The following ADAMTS2 variants were observed in gnomAD, a reference collection of about 807,000 sequenced individuals.
ADAMTS2 encodes the protein ADAM metallopeptidase with thrombospondin type 1 motif 2, also known as A disintegrin and metalloproteinase with thrombospondin motifs 2.
Under a neutral mutation model 123.0 loss-of-function variants are expected in ADAMTS2, and 50 were observed. The observed-to-expected ratio is 0.41, with a 90% CI of 0.32 to 0.51. ADAMTS2 has a LOEUF of 0.51. Ranked by LOEUF, ADAMTS2 falls within the 20% of genes least tolerant of loss-of-function variation. The probability of loss-of-function intolerance (pLI) is 0.35; values close to 1 mark genes in which losing one functional copy is unlikely to be tolerated. For synonymous variants in ADAMTS2, 678 were observed against 695.4 expected (o/e 0.98, Z 0.39); for missense variants, 1,494 against 1,705.2 (o/e 0.88, Z 2.18).
chr5:179,342,617 G>A (rs1289037582), intron 2 of ADAMTS2, among the ~76,000 whole-genome samples: 3 of 152,224 alleles, frequency 2.0e-5, no homozygotes, highest in East Asian at 1.9e-4. Flanking sequence ...CAGGGGCCAC[G>A]GGGGCTGGGA....
At position 179,133,891 on chromosome 5, in the gene ADAMTS2, T is replaced by C. The variant is rs1763008567; in HGVS notation, c.2086-991A>G. On this transcript the variant is annotated intron_variant, in intron 13 of 21. Transcript: ENST00000251582. ...CTAATTTTTTTTTTTTTTGTATTTT[T>C]AGTAGAGACGGGGTTTCACCATGTT... Among the ~76,000 whole-genome samples, 3 of 151,680 alleles carry C rather than the reference T, an allele frequency of 2.0e-5. No individual in the cohort carries two copies. In the South Asian group the frequency reaches 6.2e-4, roughly 31 times the overall value.
At chr5:179,146,325 A>G (rs1763249098) in intron 10 of ADAMTS2, among the ~76,000 whole-genome samples, 1 of 152,220 alleles carries the variant, frequency 6.6e-6, no homozygotes, top group Non-Finnish European at 1.5e-5. Flanking sequence ...TAAAGAAGTT[A>G]TGGGTGACGC....
At chr5:179,342,223 T>C (rs2127462829) in intron 2 of ADAMTS2, among the ~76,000 whole-genome samples, 1 of 152,320 alleles carries the variant, frequency 6.6e-6, no homozygotes, top group East Asian at 1.9e-4. Context: ...AGTACACAGG[T>C]GTTGGCCCAC....
chr5:179,328,213 T>C (rs1172364457), intron 2 of ADAMTS2, among the ~76,000 whole-genome samples: 2 of 152,184 alleles, frequency 1.3e-5, no homozygotes, highest in African/African-American at 2.4e-5. Flanking sequence ...TTTGTATTTT[T>C]AGTAGAGACG....
intron 5 of ADAMTS2, among the ~76,000 whole-genome samples, chr5:179,164,178 C>G (rs1763653424): frequency 6.6e-6 from 1 of 152,250 alleles, no homozygotes; most frequent in Non-Finnish European, 1.5e-5. Flanking sequence ...GTCCCAACAT[C>G]TCCAAGGTCC....
rs1561816314 is a variant in ADAMTS2, at chr5:179,227,300, C to T, written c.689-19585G>A. Among the ~76,000 whole-genome samples, 9 of 152,316 alleles carry T rather than the reference C, an allele frequency of 5.9e-5. No homozygotes were observed. The South Asian group carries it at 1.9e-3, about 32-fold the overall frequency. Reference sequence around the variant, plus strand: ...ATCCTTAGTCCAGCCAAAAAGCAAGCCACGCACATGCAGGAGAGGCCAGGA... The same window carrying T: ...ATCCTTAGTCCAGCCAAAAAGCAAGTCACGCACATGCAGGAGAGGCCAGGA... On this transcript the variant is annotated intron_variant, in intron 3 of 21. Coordinates refer to ENST00000251582, the MANE Select transcript of ADAMTS2 (RefSeq NM_014244.5).
In ADAMTS2 at chr5:179,343,814, C is replaced by A; in HGVS notation, c.487G>T (p.Gly163Cys). The A allele has an allele frequency of 6.2e-7, 1 of 1,610,930 alleles. No individual in the cohort carries two copies. Among genetic ancestry groups the A allele is most frequent in the Non-Finnish European group, 8.5e-7 (1 of 1,179,342 alleles). ...GCCACAGAGGAGGCTTCGGCTAGGC[C>A]GGCCACGTCTCCGACGTAGAGACAG... Reference protein sequence around the residue: ...GSCLYVGDVAGLAEASSVALS... With the variant: ...GSCLYVGDVACLAEASSVALS... The change falls in exon 2 of 22, where the codon GGC becomes TGC. Residue 163 changes from glycine to cysteine, a missense_variant. By Grantham distance (159) the Gly-to-Cys change is radical. Coordinates refer to ENST00000251582, the MANE Select transcript of ADAMTS2 (RefSeq NM_014244.5).
chr5:179,219,476 C>T (rs779816371), intron 3 of ADAMTS2, among the ~76,000 whole-genome samples: 24 of 152,344 alleles, frequency 1.6e-4, no homozygotes, highest in Middle Eastern at 6.8e-3. Context: ...AGGCATCAGA[C>T]CAGGCCACTC....
chr5:179,231,679 C>T (rs1002988009), intron 3 of ADAMTS2, among the ~76,000 whole-genome samples: 7 of 152,002 alleles, frequency 4.6e-5, no homozygotes, highest in Admixed American at 4.6e-4. Flanking sequence ...TTCCCTGTCT[C>T]GCAGCTGACA....
At chr5:179,139,529 C>T (rs903593359) in intron 11 of ADAMTS2, among the ~76,000 whole-genome samples, 2 of 152,054 alleles carry the variant, frequency 1.3e-5, no homozygotes, top group Non-Finnish European at 2.9e-5. Flanking sequence ...AAACAGCTGC[C>T]CAGGTGCTAG....
intron 2 of ADAMTS2, among the ~76,000 whole-genome samples, chr5:179,291,650 G>A (rs1756193261): frequency 1.3e-5 from 2 of 152,198 alleles, no homozygotes; most frequent in Non-Finnish European, 2.9e-5. Context: ...TGGGAGTGCA[G>A]AAGTAACAGC....
intron 2 of ADAMTS2, among the ~76,000 whole-genome samples, chr5:179,297,227 T>C (rs1756364803): frequency 6.6e-6 from 1 of 152,026 alleles, no homozygotes; most frequent in Non-Finnish European, 1.5e-5. Flanking sequence ...ACTCGGGAAA[T>C]GGGCCGGATT....
At chr5:179,274,597 G>T (rs935676163) in intron 2 of ADAMTS2, among the ~76,000 whole-genome samples, 1 of 152,228 alleles carries the variant, frequency 6.6e-6, no homozygotes, top group South Asian at 2.1e-4. Context: ...GTTGTGGGGG[G>T]GCACGGTGGC....
In ADAMTS2 at chr5:179,189,652, C is replaced by T. The variant is rs934904084; in HGVS notation, c.892-8497G>A. Among the ~76,000 whole-genome samples the T allele has an allele frequency of 6.6e-5, 10 of 151,330 alleles. No homozygotes were observed. Among genetic ancestry groups the T allele is most frequent in the East Asian group, 5.8e-4 (3 of 5,144 alleles). On this transcript the variant is annotated intron_variant, in intron 4 of 21. Coordinates refer to ENST00000251582, the MANE Select transcript of ADAMTS2 (RefSeq NM_014244.5). The surrounding 1 kb of genome is among the most constrained non-coding windows in gnomAD (Gnocchi z 4.2). Reference sequence around the variant, plus strand: ...GATTACAGGCGTGAGCCACCGCGCCCGGCCAGGAGCAATTTTTTGTGGGCT... The same window carrying T: ...GATTACAGGCGTGAGCCACCGCGCCTGGCCAGGAGCAATTTTTTGTGGGCT...
intron 2 of ADAMTS2, among the ~76,000 whole-genome samples, chr5:179,337,707 A>G (rs540736858): frequency 1.9e-4 from 29 of 152,366 alleles, no homozygotes; most frequent in African/African-American, 6.5e-4. Flanking sequence ...CACAGTGGGC[A>G]GGCCCAGACC....
rs942666478 is a variant in ADAMTS2 at position 179,308,288 on chromosome 5, G to A, written c.535-35224C>T. Among the ~76,000 whole-genome samples, 6 of 152,232 alleles carry A rather than the reference G, an allele frequency of 3.9e-5. No individual in the cohort carries two copies. Among genetic ancestry groups the A allele is most frequent in the Non-Finnish European group, 5.9e-5 (4 of 68,038 alleles). ...TGTCTTAGCAGCAGGAGACGCTGAT[G>A]GGATGTCGGGAGTCACCAGGACCAT... On this transcript the variant is annotated intron_variant, in intron 2 of 21. Transcript: ENST00000251582. This position sits in a 1 kb window ranked among gnomAD's most constrained non-coding sequence, Gnocchi z 6.6.
At chr5:179,324,946 C>G (rs1341617274) in intron 2 of ADAMTS2, among the ~76,000 whole-genome samples, 1 of 152,070 alleles carries the variant, frequency 6.6e-6, no homozygotes, top group Non-Finnish European at 1.5e-5. Flanking sequence ...ACTGTCTGCT[C>G]TGCTAATGCA....
At chr5:179,121,529 G>T (rs1484111682) in intron 21 of ADAMTS2, 132 bp downstream of exon 21, 1 of 650,282 alleles carries the variant, frequency 1.5e-6, no homozygotes, top group African/African-American at 1.9e-5. Context: ...GGAGAAAACG[G>T]TCACCCCAGA....
intron 10 of ADAMTS2, 80 bp downstream of exon 10, chr5:179,152,062 G>T: frequency 7.5e-7 from 1 of 1,339,938 alleles, no homozygotes; most frequent in Non-Finnish European, 1.1e-6. Context: ...CCACTTCAGG[G>T]CCTGTCCCTG....
Sources: gnomAD v4.1 joint callset for allele counts (sites outside exome capture counted in the v4.1 genomes callset) on GRCh38, gnomAD v4.1.1 for gene constraint, Gnocchi (gnomAD v3.1) non-coding constraint, MANE v1.5 for transcripts, NCBI Gene and HGNC (gene_info 2026-07-23, HGNC 2026-07-21) for gene names.